The following NSUN7 variants were observed in gnomAD, a reference collection of about 807,000 sequenced individuals.
NSUN7 encodes the protein NOP2/Sun RNA methyltransferase family member 7.
In NSUN7, 39 loss-of-function variants were observed where a neutral mutation model predicts 58.5. That is an observed-to-expected ratio of 0.67 (90% CI 0.52 to 0.87). The LOEUF is 0.87. NSUN7 is among the 40% of genes least tolerant of loss of function. The pLI is 0.00. For missense variants in NSUN7, 765 were observed against 844.1 expected, an observed-to-expected ratio of 0.91 and a Z score of 1.16; for synonymous variants, 278 against 303.7, an observed-to-expected ratio of 0.92 and a Z score of 0.88.
At chr4:40,806,159 T>C (rs951413942) in intron 10 of NSUN7, among the ~76,000 whole-genome samples, 2 of 152,120 alleles carry the variant, frequency 1.3e-5, no homozygotes, top group Non-Finnish European at 2.9e-5. Context: ...CACACCCGGC[T>C]AATTTTTGCA....
rs1392500642 is a variant in NSUN7, at chr4:40,808,778, A to G, written c.1996A>G (p.Ile666Val). 2 of 1,549,082 alleles carry G rather than the reference A, an allele frequency of 1.3e-6. No individual in the cohort carries two copies. The highest frequency in any genetic ancestry group is 2.8e-5 in the African/African-American group (2 of 71,954). Residue 666 changes from isoleucine (I) to valine (V), a missense_variant, in exon 12 of 12, where the codon ATC becomes GTC. Physicochemically the swap from Ile to Val is conservative, Grantham distance 29 (BLOSUM62 3). Transcript: ENST00000381782. ...TATGCCATTTTCAAGTCCCCAAGGG[A>G]TCAGATCTCGGATGCCAACTCAACA... is the stretch of plus-strand genomic sequence containing the variant. Reference protein sequence around the residue: ...VFMPFSSPQGIRSRMPTQHLY... With the variant: ...VFMPFSSPQGVRSRMPTQHLY...
At chr4:40,781,765 T>C (rs1235840136) in intron 7 of NSUN7, among the ~76,000 whole-genome samples, 6 of 152,138 alleles carry the variant, frequency 3.9e-5, no homozygotes, top group Non-Finnish European at 7.4e-5. Context: ...TTTTAAAAGA[T>C]CAACTAAATG....
intron 2 of NSUN7, among the ~76,000 whole-genome samples, chr4:40,755,838 G>A (rs917022270): frequency 2.0e-5 from 3 of 152,178 alleles, no homozygotes; most frequent in African/African-American, 4.8e-5. Context: ...GAGACTAGAC[G>A]CAAGCTTCCT....
intron 2 of NSUN7, 60 bp from the exon 3 acceptor site, chr4:40,760,374 T>G: frequency 8.0e-7 from 1 of 1,246,014 alleles, no homozygotes; most frequent in African/African-American, 1.5e-5. Context: ...GTATTTTGAT[T>G]CCAGAGTTTT....
intron 10 of NSUN7, among the ~76,000 whole-genome samples, chr4:40,800,199 C>T (rs576697265): frequency 2.0e-5 from 3 of 152,254 alleles, no homozygotes; most frequent in African/African-American, 7.2e-5. Context: ...CATGAGATGT[C>T]GTTACTGATT....
At chr4:40,796,165 A>G (rs1202333448) in intron 9 of NSUN7, among the ~76,000 whole-genome samples, 1 of 152,078 alleles carries the variant, frequency 6.6e-6, no homozygotes, top group Non-Finnish European at 1.5e-5. Context: ...GCCAGCCTGG[A>G]CAACATGGTG....
intron 3 of NSUN7, among the ~76,000 whole-genome samples, 175 bp from the exon 4 acceptor site, chr4:40,760,996 G>T (rs534732740): frequency 6.8e-6 from 1 of 147,760 alleles, no homozygotes; most frequent in African/African-American, 2.5e-5. Flanking sequence ...TTTTGAAAGG[G>T]TTTTTTTTTT....
In NSUN7 at chr4:40,807,141, C is replaced by G; in HGVS notation, c.1481C>G (p.Ser494Cys). Residue 494 changes from serine to cysteine, a missense_variant, in exon 11 of 12, where the codon TCT (serine) becomes TGT (cysteine). Coordinates refer to ENST00000381782, the MANE Select transcript of NSUN7 (RefSeq NM_024677.6). ...GATAAATTTTTCAGAATGGAACCAT[C>G]TGAAATTACCAATGGTTGTTTTCTT... The part of the protein sequence containing the change: ...STDKFFRMEP[S>C]EITNGCFLSI... 1 of 1,550,728 alleles carries G rather than the reference C, an allele frequency of 6.4e-7. No homozygotes were observed. Among genetic ancestry groups the G allele is most frequent in the Non-Finnish European group, 8.7e-7 (1 of 1,146,432 alleles).
At chr4:40,774,118 A>C in intron 4 of NSUN7, 147 bp from the exon 5 acceptor site, 1 of 768,472 alleles carries the variant, frequency 1.3e-6, no homozygotes, top group Non-Finnish European at 2.1e-6. Flanking sequence ...ATTTACAAAT[A>C]TGACACATTT....
rs778133724 is a variant in NSUN7, at chr4:40,750,747, C to T, written c.54C>T (p.Ile18=). 6.2e-7 allele frequency: 1 copy of T among 1,614,126 alleles called. No individual in the cohort carries two copies. The highest frequency in any genetic ancestry group is 8.5e-7 in the Non-Finnish European group (1 of 1,179,998). The change falls in exon 2 of 12, where the codon ATC becomes ATT. Residue 18 remains isoleucine (I), a synonymous_variant. Transcript: ENST00000381782. ...LEFSNEEDPE[I]ISQLTSLPLS... ...TTTCGAACGAAGAAGATCCCGAGAT[C>T]ATCTCCCAACTCACTTCCCTGCCTC...
At chr4:40,760,216 A>G (rs1394129281) in intron 2 of NSUN7, among the ~76,000 whole-genome samples, 1 of 152,226 alleles carries the variant, frequency 6.6e-6, no homozygotes, top group African/African-American at 2.4e-5. Flanking sequence ...TTCTTTAACT[A>G]TGATTCCATG....
chr4:40,770,686 G>A (rs995722608), intron 4 of NSUN7, among the ~76,000 whole-genome samples: 1 of 152,142 alleles, frequency 6.6e-6, no homozygotes, highest in East Asian at 1.9e-4. Flanking sequence ...TTTAAAAAAT[G>A]TAAATGTATA....
intron 10 of NSUN7, among the ~76,000 whole-genome samples, chr4:40,805,323 C>T (rs568711240): frequency 3.9e-5 from 6 of 152,236 alleles, no homozygotes; most frequent in Admixed American, 1.3e-4. Flanking sequence ...CTTGTGTTTG[C>T]GGGACTGAGG....
Position 40,809,222 on chromosome 4 carries a change from T to C in NSUN7, c.*283T>C, listed in dbSNP as rs1577594958. 7.2e-6 allele frequency: 2 copies of C among 278,040 alleles called. No individual in the cohort carries two copies. The highest frequency in any genetic ancestry group is 6.7e-6 in the Non-Finnish European group (1 of 148,946). 17.2% of individuals were successfully genotyped at this position (278,040 alleles called of 1,614,324 possible). ...AGAACTTATCTCACTCCTGTGAACT[T>C]TCAGGCTGGACTTAAAGCTGCCAAG... is the stretch of plus-strand genomic sequence containing the variant. On this transcript the variant is annotated 3_prime_UTR_variant, in exon 12 of 12. Coordinates refer to ENST00000381782, the MANE Select transcript of NSUN7 (RefSeq NM_024677.6).
In NSUN7 at chr4:40,808,362, A is replaced by G. The variant is rs1743954864; in HGVS notation, c.1580A>G (p.Lys527Arg). The G allele has an allele frequency of 1.2e-6, 2 of 1,614,148 alleles. No individual in the cohort carries two copies. Among genetic ancestry groups the G allele is most frequent in the South Asian group, 1.1e-5 (1 of 91,072 alleles). Reference sequence around the variant, plus strand: ...GATGTTTTGGCCCGAGCTGCAGCCAAGGGTCTGCTGGATGGGATTGAGTTG... The same window carrying G: ...GATGTTTTGGCCCGAGCTGCAGCCAGGGGTCTGCTGGATGGGATTGAGTTG... Reference protein sequence around the residue: ...VNDVLARAAAKGLLDGIELGK... With the variant: ...VNDVLARAAARGLLDGIELGK... Residue 527 changes from lysine to arginine, a missense_variant, in exon 12 of 12, where the codon AAG becomes AGG. Coordinates refer to ENST00000381782, the MANE Select transcript of NSUN7 (RefSeq NM_024677.6).
At chr4:40,793,879 AT>A (rs1322829416) in intron 8 of NSUN7, among the ~76,000 whole-genome samples, 15 of 152,324 alleles carry the variant, frequency 9.8e-5, no homozygotes, top group Admixed American at 2.0e-4. Flanking sequence ...AATGTAAGAC[AT>A]TATTTCTTAA....
At chr4:40,781,018 C>T (rs1052080761) in intron 7 of NSUN7, among the ~76,000 whole-genome samples, 1 of 151,148 alleles carries the variant, frequency 6.6e-6, no homozygotes, top group Non-Finnish European at 1.5e-5. Context: ...CGGGGTTTCA[C>T]TGTGTTAGCC....
intron 7 of NSUN7, among the ~76,000 whole-genome samples, chr4:40,777,204 T>C (rs988413890): frequency 5.3e-5 from 8 of 152,166 alleles, no homozygotes; most frequent in African/African-American, 1.9e-4. Flanking sequence ...CCCAATTAGA[T>C]TAAGGTGATC....
At chr4:40,785,149 C>T (rs1398081481) in intron 7 of NSUN7, among the ~76,000 whole-genome samples, 2 of 151,676 alleles carry the variant, frequency 1.3e-5, no homozygotes, top group East Asian at 3.9e-4. Context: ...AGTCCTCCCA[C>T]TTCAGCATCC....
Sources: gnomAD v4.1 joint callset for allele counts (sites outside exome capture counted in the v4.1 genomes callset) on GRCh38, gnomAD v4.1.1 for gene constraint, MANE v1.5 for transcripts, NCBI Gene and HGNC (gene_info 2026-07-23, HGNC 2026-07-21) for gene names.